The following ZBTB20 variants were observed in gnomAD, a reference collection of about 807,000 sequenced individuals.
ZBTB20 encodes the protein zinc finger and BTB domain containing 20, also known as zinc finger and BTB domain-containing protein 20.
ZBTB20 carries 9 observed loss-of-function variants against 56.9 expected under a neutral mutation model. The observed-to-expected ratio is 0.16, with a 90% confidence interval of 0.10 to 0.28. ZBTB20 has a LOEUF of 0.28. Ranked by LOEUF, ZBTB20 falls within the 10% of genes least tolerant of loss-of-function variation. The pLI, the probability that ZBTB20 is intolerant of heterozygous loss-of-function variation, is 1.00. For missense variants in ZBTB20, 655 were observed against 1,003.0 expected (o/e 0.65, Z 4.69); for synonymous variants, 417 against 420.7 (o/e 0.99, Z 0.11).
intron 7 of ZBTB20, among the ~76,000 whole-genome samples, chr3:114,483,540 A>T (rs2041784642): frequency 6.6e-6 from 1 of 152,088 alleles, no homozygotes; most frequent in Non-Finnish European, 1.5e-5. Context: ...AGAAAGTATC[A>T]TATAAGCATA....
At chr3:114,665,198 G>C (rs775051526) in intron 6 of ZBTB20, among the ~76,000 whole-genome samples, 13 of 151,560 alleles carry the variant, frequency 8.6e-5, no homozygotes, top group Admixed American at 2.6e-4. Flanking sequence ...TATTTTTGCT[G>C]TACCTTTTCT....
At chr3:115,080,814 T>C (rs1329178560) in intron 1 of ZBTB20, among the ~76,000 whole-genome samples, 3 of 152,254 alleles carry the variant, frequency 2.0e-5, no homozygotes, top group Non-Finnish European at 4.4e-5. Flanking sequence ...TAAAGTTCAC[T>C]TGGAATAACA....
At chr3:114,623,097 T>C (rs1465006854) in intron 6 of ZBTB20, among the ~76,000 whole-genome samples, 1 of 152,066 alleles carries the variant, frequency 6.6e-6, no homozygotes, top group African/African-American at 2.4e-5. Flanking sequence ...ATTCTTGAAA[T>C]AGAAAGAAGA....
intron 4 of ZBTB20, among the ~76,000 whole-genome samples, chr3:114,805,257 T>C (rs2072015512): frequency 6.6e-6 from 1 of 152,068 alleles, no homozygotes; most frequent in East Asian, 1.9e-4. Flanking sequence ...TCCATTAATA[T>C]GTTTTTTCTG....
intron 3 of ZBTB20, among the ~76,000 whole-genome samples, chr3:114,906,497 G>C (rs1372465759): frequency 6.6e-6 from 1 of 151,002 alleles, no homozygotes; most frequent in Admixed American, 6.6e-5. Context: ...ATGTGTCCTA[G>C]GTAAACTTAC....
intron 10 of ZBTB20, among the ~76,000 whole-genome samples, chr3:114,366,397 G>T (rs571184152): frequency 1.3e-5 from 2 of 151,676 alleles, no homozygotes; most frequent in Non-Finnish European, 2.9e-5. Context: ...GGGGAATGGG[G>T]GTGGGACTGT....
chr3:114,373,679 T>C (rs1233994693), intron 10 of ZBTB20, among the ~76,000 whole-genome samples: 1 of 152,228 alleles, frequency 6.6e-6, no homozygotes, highest in Non-Finnish European at 1.5e-5. Context: ...TCTGCATTTA[T>C]ATTTACCCCG....
intron 5 of ZBTB20, among the ~76,000 whole-genome samples, chr3:114,702,832 G>C (rs915173388): frequency 6.6e-6 from 1 of 152,044 alleles, no homozygotes; most frequent in African/African-American, 2.4e-5. Context: ...GAGCTCATCA[G>C]GTAAATAACA....
chr3:114,457,120 C>T (rs955483044), intron 7 of ZBTB20, among the ~76,000 whole-genome samples: 4 of 152,172 alleles, frequency 2.6e-5, no homozygotes, highest in African/African-American at 7.2e-5. Flanking sequence ...CCTGATAGGC[C>T]AGAGCCCAGA....
At chr3:114,504,925 T>G (rs1278722323) in intron 6 of ZBTB20, among the ~76,000 whole-genome samples, 1 of 152,192 alleles carries the variant, frequency 6.6e-6, no homozygotes, top group Non-Finnish European at 1.5e-5. Context: ...TTCCAAAATC[T>G]ACATATTTTT....
chr3:114,928,335 G>GGTTCTTCAATGATGGAGAACCTCAAC (rs1348659935), intron 3 of ZBTB20, among the ~76,000 whole-genome samples: 1 of 151,802 alleles, frequency 6.6e-6, no homozygotes. Flanking sequence ...AGAACCTCAA[G>GGTTCTTCAATGATGGAGAACCTCAAC]GTTCTTCAAT....
chr3:114,459,744 T>C (rs932313336), intron 7 of ZBTB20, among the ~76,000 whole-genome samples: 4 of 152,146 alleles, frequency 2.6e-5, no homozygotes, highest in Admixed American at 6.5e-5. Context: ...TTGGAGGGTA[T>C]AGTATTTAAG....
chr3:115,139,220 G>A (rs1490918165), intron 1 of ZBTB20, among the ~76,000 whole-genome samples: 1 of 151,984 alleles, frequency 6.6e-6, no homozygotes, highest in Non-Finnish European at 1.5e-5. Flanking sequence ...GAGGATTCAG[G>A]ATAGTATAGC....
chr3:115,116,201 T>C (rs553544387), intron 1 of ZBTB20, among the ~76,000 whole-genome samples: 9 of 152,188 alleles, frequency 5.9e-5, no homozygotes, highest in African/African-American at 1.9e-4. Context: ...CAAACTCCAC[T>C]CTCTCCCATC....
At chr3:114,358,250 C>T (rs561652030) in intron 10 of ZBTB20, among the ~76,000 whole-genome samples, 1 of 152,276 alleles carries the variant, frequency 6.6e-6, no homozygotes, top group African/African-American at 2.4e-5. Flanking sequence ...CTATTTTCCT[C>T]CTTCCCTTTC....
intron 2 of ZBTB20, among the ~76,000 whole-genome samples, chr3:114,998,155 G>C (rs2079100832): frequency 6.6e-6 from 1 of 151,656 alleles, no homozygotes; most frequent in African/African-American, 2.4e-5. Context: ...CCGTTACCCA[G>C]CTTTCCACAT....
intron 6 of ZBTB20, among the ~76,000 whole-genome samples, chr3:114,556,769 C>T (rs1186256420): frequency 1.3e-5 from 2 of 151,798 alleles, no homozygotes; most frequent in Non-Finnish European, 2.9e-5. Context: ...AAGACACTTT[C>T]CTGAGAAGAG....
At chr3:114,953,549 G>C (rs1332909736) in intron 3 of ZBTB20, among the ~76,000 whole-genome samples, 1 of 151,780 alleles carries the variant, frequency 6.6e-6, no homozygotes, top group African/African-American at 2.4e-5. Context: ...TTATAATAAA[G>C]CTGGAATGGC....
chr3:114,715,581 C>T (rs1188815471), intron 5 of ZBTB20, among the ~76,000 whole-genome samples: 1 of 152,172 alleles, frequency 6.6e-6, no homozygotes, highest in African/African-American at 2.4e-5. Flanking sequence ...TAGGCTTAGA[C>T]CTGTCCCCAA....
Sources: allele counts gnomAD v4.1 joint callset (sites outside exome capture counted in the v4.1 genomes callset), GRCh38; gene constraint gnomAD v4.1.1; transcripts MANE v1.5; gene names NCBI Gene and HGNC (gene_info 2026-07-23, HGNC 2026-07-21).